MAGI1: variants seen among roughly 807,000 people sequenced by gnomAD.
MAGI1 encodes the protein membrane associated guanylate kinase, WW and PDZ domain containing 1.
In MAGI1, 58 loss-of-function variants were observed where a neutral mutation model predicts 139.9. The ratio of observed to expected loss-of-function variants is 0.41; its 90% CI spans 0.34 to 0.52. The LOEUF (loss-of-function observed/expected upper bound fraction) is 0.52. MAGI1 is among the 20% of genes least tolerant of loss of function. The pLI is 0.12. For synonymous variants in MAGI1, 812 were observed against 737.9 expected, an observed-to-expected ratio of 1.10 and a Z score of -1.63; for missense variants, 1,874 against 1,901.6, an observed-to-expected ratio of 0.99 and a Z score of 0.27.
rs1271645381 is a variant in MAGI1 at position 65,698,188 on chromosome 3, A to C, written c.314-76100T>G. On this transcript the variant is annotated intron_variant, in intron 1 of 22. Coordinates refer to ENST00000402939, the MANE Select transcript of MAGI1 (RefSeq NM_001033057.2). ...TACAAGGGATGTGAAGGACCTCTTCAAGGAGAACTACAAACTGCTGCTCAA... is the reference window on the plus strand; with the variant it reads ...TACAAGGGATGTGAAGGACCTCTTCCAGGAGAACTACAAACTGCTGCTCAA... Among the ~76,000 whole-genome samples, 6 of 119,544 alleles carry C rather than the reference A, an allele frequency of 5.0e-5. 1 individual carries two copies. Among genetic ancestry groups the C allele is most frequent in the African/African-American group, 2.2e-4 (6 of 27,122 alleles). 78.4% of individuals were successfully genotyped at this position (119,544 alleles called of 152,430 possible).
At chr3:66,013,799 C>T (rs2067475812) in intron 1 of MAGI1, among the ~76,000 whole-genome samples, 1 of 151,908 alleles carries the variant, frequency 6.6e-6, no homozygotes, top group African/African-American at 2.4e-5. Flanking sequence ...TGCAAACATC[C>T]CCACTAGGTA....
At chr3:65,902,633 T>C (rs2108629258) in intron 1 of MAGI1, 1 of 152,820 alleles carries the variant, frequency 6.5e-6, no homozygotes, top group African/African-American at 2.4e-5. Flanking sequence ...CTTATTCCAA[T>C]TTGCGACAGG....
intron 1 of MAGI1, among the ~76,000 whole-genome samples, chr3:66,018,167 C>T (rs1254114042): frequency 1.4e-5 from 2 of 146,744 alleles, no homozygotes; most frequent in East Asian, 4.5e-4. Flanking sequence ...TTTTACAAGC[C>T]TGGCTGGAAC....
intron 1 of MAGI1, among the ~76,000 whole-genome samples, chr3:66,002,431 G>T (rs1292596681): frequency 2.6e-5 from 4 of 152,098 alleles, no homozygotes; most frequent in Non-Finnish European, 2.9e-5. Flanking sequence ...TTCATGGGGT[G>T]GGGGGTGGTG....
intron 1 of MAGI1, among the ~76,000 whole-genome samples, chr3:65,969,607 G>C (rs1345027656): frequency 6.6e-6 from 1 of 152,134 alleles, no homozygotes; most frequent in Non-Finnish European, 1.5e-5. Context: ...GCACTCACAA[G>C]GTGACCCCTT....
intron 1 of MAGI1, among the ~76,000 whole-genome samples, chr3:65,973,229 C>T (rs1379476434): frequency 1.3e-5 from 2 of 151,908 alleles, no homozygotes; most frequent in Admixed American, 1.3e-4. Context: ...ACAGGTGCCC[C>T]CTATTCTCAC....
At chr3:65,576,808 A>G (rs1334512738) in intron 2 of MAGI1, among the ~76,000 whole-genome samples, 1 of 152,140 alleles carries the variant, frequency 6.6e-6, no homozygotes, top group African/African-American at 2.4e-5. Flanking sequence ...ATCTGCCACC[A>G]GGATTATTCT....
At chr3:65,975,623 C>T (rs1320497443) in intron 1 of MAGI1, among the ~76,000 whole-genome samples, 1 of 151,494 alleles carries the variant, frequency 6.6e-6, no homozygotes, top group Non-Finnish European at 1.5e-5. Context: ...AGTCTCATAA[C>T]CCAATCTCAA....
chr3:65,817,266 A>G (rs1290856131), intron 1 of MAGI1, among the ~76,000 whole-genome samples: 1 of 152,050 alleles, frequency 6.6e-6, no homozygotes, highest in Non-Finnish European at 1.5e-5. Context: ...TGAATTTTGT[A>G]TATCAGATGT....
At chr3:65,586,124 C>T (rs769214372) in intron 2 of MAGI1, among the ~76,000 whole-genome samples, 1 of 151,670 alleles carries the variant, frequency 6.6e-6, no homozygotes, top group East Asian at 1.9e-4. Context: ...GTGAGGGTAT[C>T]GCTTGAGCCC....
At chr3:65,942,686 G>A (rs1209014169) in intron 1 of MAGI1, among the ~76,000 whole-genome samples, 1 of 152,164 alleles carries the variant, frequency 6.6e-6, no homozygotes, top group African/African-American at 2.4e-5. Context: ...ACCCTAGAGG[G>A]TTGTTATGCA....
intron 1 of MAGI1, among the ~76,000 whole-genome samples, chr3:65,636,780 A>G (rs907834813): frequency 6.6e-6 from 1 of 152,178 alleles, no homozygotes; most frequent in Non-Finnish European, 1.5e-5. Flanking sequence ...TAACATATCC[A>G]GAGAAAGGAG....
intron 1 of MAGI1, among the ~76,000 whole-genome samples, chr3:65,869,361 TG>T (rs2059843934): frequency 1.4e-5 from 2 of 141,696 alleles, no homozygotes; most frequent in South Asian, 4.7e-4. Context: ...AAGGCAAGAC[TG>T]GTTTTTTGTT....
At chr3:65,836,425 T>C (rs1279615666) in intron 1 of MAGI1, among the ~76,000 whole-genome samples, 1 of 152,154 alleles carries the variant, frequency 6.6e-6, no homozygotes, top group Non-Finnish European at 1.5e-5. Flanking sequence ...AGTGGCTTAG[T>C]GATAAGGATC....
At chr3:65,766,830 A>G (rs949651789) in intron 1 of MAGI1, among the ~76,000 whole-genome samples, 1 of 151,892 alleles carries the variant, frequency 6.6e-6, no homozygotes, top group African/African-American at 2.4e-5. Context: ...CAGAGGTTGC[A>G]GTGAGCCGAG....
chr3:65,369,374 A>C (rs939645456), intron 18 of MAGI1, among the ~76,000 whole-genome samples: 1 of 152,214 alleles, frequency 6.6e-6, no homozygotes, highest in African/African-American at 2.4e-5. Flanking sequence ...GCTACCGATG[A>C]CAAGAGCAAA....
intron 2 of MAGI1, among the ~76,000 whole-genome samples, chr3:65,531,774 T>C (rs958757697): frequency 6.6e-6 from 1 of 152,168 alleles, no homozygotes; most frequent in African/African-American, 2.4e-5. Context: ...TCCCTGACTT[T>C]CCAATATTTC....
chr3:65,747,360 T>C (rs1167675023), intron 1 of MAGI1, among the ~76,000 whole-genome samples: 1 of 152,144 alleles, frequency 6.6e-6, no homozygotes, highest in African/African-American at 2.4e-5. Context: ...GAAGCAGCAA[T>C]GAGAACCCAG....
chr3:65,888,876 A>T (rs920460553), intron 1 of MAGI1, among the ~76,000 whole-genome samples: 2 of 151,962 alleles, frequency 1.3e-5, no homozygotes, highest in Non-Finnish European at 2.9e-5. Context: ...TACACCAGAA[A>T]TTATCTGTGC....
Sources: gnomAD v4.1 joint callset for allele counts (sites outside exome capture counted in the v4.1 genomes callset) on GRCh38, gnomAD v4.1.1 for gene constraint, MANE v1.5 for transcripts, NCBI Gene and HGNC (gene_info 2026-07-23, HGNC 2026-07-21) for gene names.